PAM: variants seen among roughly 807,000 people sequenced by gnomAD.
The protein encoded by PAM is peptidylglycine alpha-amidating monooxygenase, also known as peptidyl-glycine alpha-amidating monooxygenase.
In PAM, 72 loss-of-function variants were observed where a neutral mutation model predicts 122.1. That is an observed-to-expected ratio of 0.59 (90% CI 0.49 to 0.72). The LOEUF (loss-of-function observed/expected upper bound fraction) is 0.72, where lower values mean the gene tolerates loss of function less well. Among genes scored for constraint, PAM ranks in the 30% least tolerant of loss-of-function variants. The probability of loss-of-function intolerance (pLI) is 0.00; values close to 1 mark genes in which losing one functional copy is unlikely to be tolerated. For missense variants in PAM, 1,106 were observed against 1,183.7 expected (o/e 0.93, Z 0.96); for synonymous variants, 389 against 404.4 (o/e 0.96, Z 0.46).
At chr5:102,763,495 GCAACAA>G (rs577277120) in intron 1 of PAM, among the ~76,000 whole-genome samples, 25 of 152,134 alleles carry the variant, frequency 1.6e-4, no homozygotes, top group Non-Finnish European at 2.4e-4. Flanking sequence ...ACACACGACA[GCAACAA>G]CAACAACAAC....
chr5:102,962,740 G>A (rs1762858175), intron 14 of PAM, among the ~76,000 whole-genome samples: 2 of 151,712 alleles, frequency 1.3e-5, no homozygotes, highest in African/African-American at 4.8e-5. Flanking sequence ...TTTCCAAATA[G>A]TAGGATGTAG....
intron 1 of PAM, among the ~76,000 whole-genome samples, chr5:102,834,128 C>G (rs1331873471): frequency 6.6e-6 from 1 of 152,020 alleles, no homozygotes; most frequent in Non-Finnish European, 1.5e-5. Flanking sequence ...GAATTTAATG[C>G]CAATTTACTG....
chr5:102,758,068 ATTTTGTTTTTT>A (rs1451194361), intron 1 of PAM, among the ~76,000 whole-genome samples: 1,864 of 87,448 alleles, frequency 0.021, 93 homozygotes, highest in African/African-American at 0.05. Context: ...AAGACTTAGA[ATTTTGTTTTTT>A]TTTTTTTTTT....
At chr5:102,844,969 CA>C (rs1363336443) in intron 1 of PAM, among the ~76,000 whole-genome samples, 2 of 152,176 alleles carry the variant, frequency 1.3e-5, no homozygotes, top group Admixed American at 1.3e-4. Flanking sequence ...AAGTTGTAGT[CA>C]AATTCCTCTC....
chr5:102,853,361 T>G (rs571094878), intron 1 of PAM, among the ~76,000 whole-genome samples: 1 of 152,318 alleles, frequency 6.6e-6, no homozygotes, highest in East Asian at 1.9e-4. Context: ...AAGAGTATTT[T>G]AATTTGGGTT....
In PAM at chr5:102,991,771, C is replaced by T. The variant is rs535386796; in HGVS notation, c.1613+1370C>T. On this transcript the variant is annotated intron_variant, in intron 16 of 25. Transcript: ENST00000438793. ...TCTCATTCATACGCCTCTGTTGCAT[C>T]GTCTTAGTCATTATTGAACATCTAA... 2.2e-4 allele frequency among the ~76,000 whole-genome samples: 33 copies of T among 152,224 alleles called. No homozygotes were observed. The South Asian group carries it at 5.8e-3, about 27-fold the overall frequency.
chr5:102,759,421 G>A (rs1751663951), intron 1 of PAM, among the ~76,000 whole-genome samples: 2 of 152,194 alleles, frequency 1.3e-5, no homozygotes, highest in Non-Finnish European at 1.5e-5. Flanking sequence ...AAGAGCAGGA[G>A]GGAGAGGCGT....
At chr5:102,872,664 T>C (rs1425623403) in intron 3 of PAM, among the ~76,000 whole-genome samples, 2 of 152,182 alleles carry the variant, frequency 1.3e-5, no homozygotes, top group Non-Finnish European at 1.5e-5. Context: ...TGGCAGTTGC[T>C]CAGAATATCT....
intron 4 of PAM, among the ~76,000 whole-genome samples, chr5:102,904,484 A>G: frequency 6.6e-6 from 1 of 151,524 alleles, no homozygotes; most frequent in East Asian, 1.9e-4. Flanking sequence ...AACAGTAGAT[A>G]ATTTACCTTT....
Position 103,006,848 on chromosome 5 carries a change from G to C in PAM, c.1851G>C (p.Leu617=), listed in dbSNP as rs781723234. The C allele has an allele frequency of 6.2e-7, 1 of 1,613,974 alleles. No individual in the cohort carries two copies. Among genetic ancestry groups the C allele is most frequent in the Non-Finnish European group, 8.5e-7 (1 of 1,179,906 alleles). Residue 617 remains leucine, a synonymous_variant, in exon 19 of 26, where the codon CTG becomes CTC. Transcript: ENST00000438793. ...ATAAAGAAGGCCCTGTATTAATCCT[G>C]GGAAGGAGCATGCAACCAGGCAGTG... is the stretch of plus-strand genomic sequence containing the variant. The part of the protein sequence containing the change: ...PNNKEGPVLI[L]GRSMQPGSDQ...
intron 1 of PAM, among the ~76,000 whole-genome samples, chr5:102,842,358 T>C (rs905382547): frequency 5.3e-5 from 8 of 152,106 alleles, no homozygotes; most frequent in East Asian, 3.9e-4. Flanking sequence ...AATTGAATTG[T>C]GGAAGCAGGT....
At chr5:102,818,664 C>T (rs1770733969) in intron 1 of PAM, among the ~76,000 whole-genome samples, 1 of 152,110 alleles carries the variant, frequency 6.6e-6, no homozygotes, top group African/African-American at 2.4e-5. Flanking sequence ...TGAAAGTCTC[C>T]CCAAGTCCCA....
intron 1 of PAM, among the ~76,000 whole-genome samples, chr5:102,766,926 ATTTTTTTTTTTTTTT>A: frequency 2.3e-4 from 6 of 25,854 alleles, no homozygotes; most frequent in African/African-American, 6.8e-4. Context: ...TCAGTTGTGG[ATTTTTTTTTTTTTTT>A]TTTTTTTTTT....
At chr5:102,964,549 T>TTTC (rs1763453394) in intron 14 of PAM, among the ~76,000 whole-genome samples, 1 of 151,904 alleles carries the variant, frequency 6.6e-6, no homozygotes, top group Non-Finnish European at 1.5e-5. Flanking sequence ...TTTAATTGAG[T>TTTC]CTGTAGGGAT....
intron 6 of PAM, among the ~76,000 whole-genome samples, chr5:102,925,591 G>T (rs1014961055): frequency 6.6e-6 from 1 of 152,080 alleles, no homozygotes; most frequent in Non-Finnish European, 1.5e-5. Context: ...GGATGATCTC[G>T]TGATACACAT....
intron 1 of PAM, among the ~76,000 whole-genome samples, chr5:102,856,921 T>C (rs1782785687): frequency 6.6e-6 from 1 of 152,100 alleles, no homozygotes; most frequent in Admixed American, 6.5e-5. Flanking sequence ...TGCTAGGTCT[T>C]GCTAATGAAG....
chr5:102,942,292 C>G (rs1235376312), intron 7 of PAM, among the ~76,000 whole-genome samples: 2 of 151,904 alleles, frequency 1.3e-5, no homozygotes, highest in African/African-American at 4.8e-5. Flanking sequence ...TGATTTAGCC[C>G]CAGCAAAACA....
intron 1 of PAM, among the ~76,000 whole-genome samples, chr5:102,843,893 T>C (rs1779302166): frequency 6.6e-6 from 1 of 152,220 alleles, no homozygotes; most frequent in African/African-American, 2.4e-5. Context: ...GGTTCACTCA[T>C]ACATTGCTAG....
At position 102,866,171 on chromosome 5, in the gene PAM, C is replaced by T. The variant is rs992281506; in HGVS notation, c.-25C>T. On this transcript the variant is annotated 5_prime_UTR_variant, in exon 2 of 26. Transcript: ENST00000438793. ...CCGCGCTGCGCTGCCCGGTCCTCTC[C>T]CGGCGGGGTCGTATCGGCGTGGACA... The T allele has an allele frequency of 6.4e-7, 1 of 1,566,990 alleles. No individual in the cohort carries two copies. Among genetic ancestry groups the T allele is most frequent in the Admixed American group, 1.7e-5 (1 of 59,950 alleles).
Sources: allele counts gnomAD v4.1 joint callset (sites outside exome capture counted in the v4.1 genomes callset), GRCh38; gene constraint gnomAD v4.1.1; transcripts MANE v1.5; gene names NCBI Gene and HGNC (gene_info 2026-07-23, HGNC 2026-07-21).